The following WASF1 variants were observed in gnomAD, a reference collection of about 807,000 sequenced individuals.
The protein encoded by WASF1 is WASP family member 1, also known as actin-binding protein WASF1.
A neutral mutation model predicts 50.5 loss-of-function variants in WASF1; 7 were observed. That is an observed-to-expected ratio of 0.14 (90% CI 0.08 to 0.26). The LOEUF is 0.26. Ranked by LOEUF, WASF1 falls within the 10% of genes least tolerant of loss-of-function variation. The pLI is 1.00. For missense variants in WASF1, 470 were observed against 694.7 expected (o/e 0.68, Z 3.64); for synonymous variants, 205 against 244.0 (o/e 0.84, Z 1.49).
chr6:110,171,120 C>A (rs1015961603), intron 2 of WASF1, among the ~76,000 whole-genome samples: 1 of 152,066 alleles, frequency 6.6e-6, no homozygotes, highest in African/African-American at 2.4e-5. Context: ...CCAACAACAG[C>A]AGAATACATG....
chr6:110,103,340 C>T (rs1464296540), intron 9 of WASF1, 38 bp downstream of exon 9: 1 of 1,591,552 alleles, frequency 6.3e-7, no homozygotes, highest in Non-Finnish European at 8.6e-7. Flanking sequence ...AGCTTACTGA[C>T]TCCTAAGATA....
At chr6:110,154,222 G>A (rs2114587829) in intron 3 of WASF1, among the ~76,000 whole-genome samples, 1 of 151,940 alleles carries the variant, frequency 6.6e-6, no homozygotes, top group Middle Eastern at 3.4e-3. Context: ...TTTATTTTGT[G>A]GTCTATATAC....
At chr6:110,165,935 T>C (rs1427587007) in intron 2 of WASF1, among the ~76,000 whole-genome samples, 1 of 151,726 alleles carries the variant, frequency 6.6e-6, no homozygotes, top group Non-Finnish European at 1.5e-5. Context: ...GATGCATGAA[T>C]TCCAGGAATA....
chr6:110,139,093 G>A (rs942807007), intron 3 of WASF1, among the ~76,000 whole-genome samples: 1 of 152,240 alleles, frequency 6.6e-6, no homozygotes, highest in East Asian at 1.9e-4. Context: ...AAGGTGGCAG[G>A]GGTTGGTGTG....
intron 3 of WASF1, among the ~76,000 whole-genome samples, chr6:110,135,149 G>A (rs1403935170): frequency 1.3e-5 from 2 of 152,170 alleles, no homozygotes; most frequent in Non-Finnish European, 1.5e-5. Context: ...AAGGGTTTGA[G>A]TTCTGGATTT....
At chr6:110,131,523 G>A (rs1053874052) in intron 3 of WASF1, among the ~76,000 whole-genome samples, 2 of 152,076 alleles carry the variant, frequency 1.3e-5, no homozygotes, top group Non-Finnish European at 2.9e-5. Context: ...AATTAATCAG[G>A]CTTTATAGTA....
At chr6:110,178,439 C>A (rs1466802417) in intron 2 of WASF1, among the ~76,000 whole-genome samples, 159 bp downstream of exon 2, 1 of 152,034 alleles carries the variant, frequency 6.6e-6, no homozygotes, top group Non-Finnish European at 1.5e-5. Flanking sequence ...GAACATTAGA[C>A]GGATTGAATA....
At chr6:110,149,999 G>A (rs902605117) in intron 3 of WASF1, among the ~76,000 whole-genome samples, 1 of 152,034 alleles carries the variant, frequency 6.6e-6, no homozygotes, top group Non-Finnish European at 1.5e-5. Context: ...TTAGAGATGT[G>A]AGCCACTATA....
At chr6:110,149,395 C>T (rs1775722192) in intron 3 of WASF1, among the ~76,000 whole-genome samples, 2 of 151,098 alleles carry the variant, frequency 1.3e-5, no homozygotes, top group Non-Finnish European at 2.9e-5. Context: ...CACAATATTC[C>T]TGGCATTTCA....
At chr6:110,131,288 A>G (rs1294425370) in intron 3 of WASF1, among the ~76,000 whole-genome samples, 1 of 152,150 alleles carries the variant, frequency 6.6e-6, no homozygotes, top group African/African-American at 2.4e-5. Flanking sequence ...GTTTTTTCTT[A>G]TAATCTGTAA....
At chr6:110,147,165 G>A (rs1775605139) in intron 3 of WASF1, among the ~76,000 whole-genome samples, 1 of 152,006 alleles carries the variant, frequency 6.6e-6, no homozygotes, top group South Asian at 2.1e-4. Context: ...GGCTAACACG[G>A]TGAAACCCCA....
At chr6:110,119,287 C>T (rs539521625) in intron 4 of WASF1, among the ~76,000 whole-genome samples, 10 of 151,926 alleles carry the variant, frequency 6.6e-5, no homozygotes, top group South Asian at 6.3e-4. Flanking sequence ...ATAGATAGAC[C>T]GCTAGCAAGA....
chr6:110,170,151 C>A (rs1342707934), intron 2 of WASF1, among the ~76,000 whole-genome samples: 1 of 151,950 alleles, frequency 6.6e-6, no homozygotes, highest in East Asian at 1.9e-4. Context: ...AATTGATATG[C>A]TAAGAGAGGA....
At position 110,101,982 on chromosome 6, in the gene WASF1, C is replaced by A; in HGVS notation, c.1128G>T (p.Gln376His). 2 of 1,587,332 alleles carry A rather than the reference C, an allele frequency of 1.3e-6. No individual in the cohort carries two copies. The highest frequency in any genetic ancestry group is 1.7e-6 in the Non-Finnish European group (2 of 1,167,620). The change falls in exon 10 of 11, where the codon CAG becomes CAT. Residue 376 changes from glutamine to histidine, a missense_variant. Coordinates refer to ENST00000392589, the MANE Select transcript of WASF1 (RefSeq NM_003931.3). Reference protein sequence around the residue: ...PAVPPPPAPLQIAPGVLHPAP... With the variant: ...PAVPPPPAPLHIAPGVLHPAP... ...CTGGGTGAAGAACTCCAGGGGCAATCTGAAGAGGAGCTGGAGGTGGTGGTA... is the reference window on the plus strand; with the variant it reads ...CTGGGTGAAGAACTCCAGGGGCAATATGAAGAGGAGCTGGAGGTGGTGGTA...
chr6:110,102,147 G>A lies in WASF1; in HGVS notation c.963C>T (p.Ser321=), dbSNP rs1247651578. Residue 321 remains serine, a synonymous_variant, in exon 10 of 11, where the codon AGC becomes AGT. Coordinates refer to ENST00000392589, the MANE Select transcript of WASF1 (RefSeq NM_003931.3). The part of the protein sequence containing the change: ...PATGRTPVFV[S]PTPPPPPPPL... ...GTGGTGGAGGAGGTGGGGGAGTGGGGCTCACAAACACAGGTGTTCTGCCTG... is the reference window on the plus strand; with the variant it reads ...GTGGTGGAGGAGGTGGGGGAGTGGGACTCACAAACACAGGTGTTCTGCCTG... The A allele has an allele frequency of 2.0e-6, 3 of 1,478,972 alleles. No individual in the cohort carries two copies. The highest frequency in any genetic ancestry group is 2.7e-6 in the Non-Finnish European group (3 of 1,114,654). 91.6% of individuals were successfully genotyped at this position (1,478,972 alleles called of 1,614,324 possible).
chr6:110,113,294 C>A, intron 5 of WASF1, 32 bp downstream of exon 5: 1 of 1,476,324 alleles, frequency 6.8e-7, no homozygotes, highest in Non-Finnish European at 9.0e-7. Context: ...AAAATATATA[C>A]GTAGAAGAAA....
At chr6:110,155,536 C>CTT (rs66645132) in intron 3 of WASF1, among the ~76,000 whole-genome samples, 1,002 of 45,984 alleles carry the variant, frequency 0.022, 107 homozygotes, top group Non-Finnish European at 0.031. Context: ...AAAGTGCCTT[C>CTT]TTTTTTTTTT....
At position 110,100,496 on chromosome 6, in the gene WASF1, T is replaced by C; in HGVS notation, c.*26A>G. 1 of 1,587,864 alleles carries C rather than the reference T, an allele frequency of 6.3e-7. No homozygotes were observed. The highest frequency in any genetic ancestry group is 8.6e-7 in the Non-Finnish European group (1 of 1,162,606). The stretch of plus-strand genomic sequence containing the variant: ...CCACAAAGGACATTTGCATTCAGTT[T>C]TGTAATATTTATCAATGCATTTTTC... On this transcript the variant is annotated 3_prime_UTR_variant, in exon 11 of 11. Coordinates refer to ENST00000392589, the MANE Select transcript of WASF1 (RefSeq NM_003931.3).
chr6:110,114,496 C>G (rs750208540), intron 4 of WASF1, among the ~76,000 whole-genome samples: 1 of 152,084 alleles, frequency 6.6e-6, no homozygotes, highest in Non-Finnish European at 1.5e-5. Context: ...TTGCGAATAC[C>G]TTTTAATCTT....
Sources: allele counts gnomAD v4.1 joint callset (sites outside exome capture counted in the v4.1 genomes callset), GRCh38; gene constraint gnomAD v4.1.1; transcripts MANE v1.5; gene names NCBI Gene and HGNC (gene_info 2026-07-23, HGNC 2026-07-21).